Variants in IGSF21 observed in about 807,000 individuals in gnomAD.
IGSF21 encodes immunoglobulin superfamily member 21.
IGSF21 carries 28 observed loss-of-function variants against 46.8 expected under a neutral mutation model. The observed-to-expected ratio is 0.60, with a 90% CI of 0.44 to 0.82. The LOEUF is 0.82. Among genes scored for constraint, IGSF21 ranks in the 40% least tolerant of loss-of-function variants. IGSF21 has a pLI of 0.00. For missense variants in IGSF21, 624 were observed against 665.5 expected, an observed-to-expected ratio of 0.94 and a Z score of 0.69; for synonymous variants, 284 against 273.6, an observed-to-expected ratio of 1.04 and a Z score of -0.38.
At chr1:18,349,996 C>T (rs138218435) in intron 4 of IGSF21, among the ~76,000 whole-genome samples, 7 of 152,196 alleles carry the variant, frequency 4.6e-5, no homozygotes, top group East Asian at 1.9e-4. Context: ...GGTAGGTGTC[C>T]GAAGCACGAT....
intron 1 of IGSF21, among the ~76,000 whole-genome samples, chr1:18,171,066 G>A (rs2086731897): frequency 2.0e-5 from 3 of 151,712 alleles, no homozygotes; most frequent in African/African-American, 7.3e-5. Flanking sequence ...AGTGAGACTA[G>A]GTGTGTGGAA....
At chr1:18,319,074 A>G (rs1247673415) in intron 3 of IGSF21, among the ~76,000 whole-genome samples, 1 of 152,180 alleles carries the variant, frequency 6.6e-6, no homozygotes, top group Non-Finnish European at 1.5e-5. Context: ...TAAACTAGAT[A>G]AGAGTTTATT....
At chr1:18,204,079 C>G (rs562967759) in intron 1 of IGSF21, among the ~76,000 whole-genome samples, 1 of 152,216 alleles carries the variant, frequency 6.6e-6, no homozygotes, top group South Asian at 2.1e-4. Flanking sequence ...CAGAATGTGC[C>G]TGGCAGCGCT....
At chr1:18,113,908 T>C (rs1165273183) in intron 1 of IGSF21, 3 of 152,188 alleles carry the variant, frequency 2.0e-5, no homozygotes, top group African/African-American at 7.2e-5. Flanking sequence ...TTAACCATGG[T>C]AACGATGAGT....
chr1:18,323,970 T>C (rs1317967537), intron 3 of IGSF21, among the ~76,000 whole-genome samples: 1 of 152,094 alleles, frequency 6.6e-6, no homozygotes, highest in African/African-American at 2.4e-5. Context: ...GTGGGGCTTT[T>C]CCGGAGGCTC....
chr1:18,196,242 TC>T (rs1181681851), intron 1 of IGSF21, among the ~76,000 whole-genome samples: 2 of 152,008 alleles, frequency 1.3e-5, no homozygotes, highest in Non-Finnish European at 2.9e-5. Context: ...CACCTTATAA[TC>T]CCCGAGAAAG....
At chr1:18,213,267 A>G (rs962458691) in intron 1 of IGSF21, among the ~76,000 whole-genome samples, 11 of 152,128 alleles carry the variant, frequency 7.2e-5, no homozygotes, top group African/African-American at 2.7e-4. Context: ...TTCCCACTGT[A>G]TGCAATGCAT....
At chr1:18,277,092 T>TTGAATAGATCGCCTGGCCTCCC (rs2085109223) in intron 2 of IGSF21, among the ~76,000 whole-genome samples, 1 of 152,218 alleles carries the variant, frequency 6.6e-6, no homozygotes, top group East Asian at 1.9e-4. Context: ...CCTGGTGGCC[T>TTGAATAGATCGCCTGGCCTCCC]TGAATAGATC....
intron 3 of IGSF21, among the ~76,000 whole-genome samples, chr1:18,331,601 C>A (rs1280386747): frequency 6.6e-6 from 1 of 152,156 alleles, no homozygotes; most frequent in Non-Finnish European, 1.5e-5. Context: ...CATATAATGT[C>A]TTTGTCATAA....
chr1:18,265,642 T>C (rs1185363313), intron 2 of IGSF21, among the ~76,000 whole-genome samples: 1 of 152,202 alleles, frequency 6.6e-6, no homozygotes, highest in African/African-American at 2.4e-5. Flanking sequence ...CCAACTCCTG[T>C]GCCCATCAGG....
In IGSF21 at chr1:18,301,541, A is replaced by C. The variant is rs948930815; in HGVS notation, c.305+9554A>C. On this transcript the variant is annotated intron_variant, in intron 3 of 9. Coordinates refer to ENST00000251296, the MANE Select transcript of IGSF21 (RefSeq NM_032880.5). ...TTTTTAGCAGAGACAGGGTTTCACC[A>C]TGTTGGTCAAGCTGATCTCGAACTC... is the stretch of plus-strand genomic sequence containing the variant. Among the ~76,000 whole-genome samples, 4 of 152,210 alleles carry C rather than the reference A, an allele frequency of 2.6e-5. No homozygotes were observed. The South Asian group carries it at 6.2e-4, about 24-fold the overall frequency.
At chr1:18,124,634 T>C (rs10907329) in intron 1 of IGSF21, among the ~76,000 whole-genome samples, 99,714 of 152,006 alleles carry the variant, frequency 0.66, 33,122 homozygotes, top group African/African-American at 0.68. Context: ...GTGGCTGGGC[T>C]GCTGTGGAAG....
chr1:18,321,615 C>G (rs549743579), intron 3 of IGSF21, among the ~76,000 whole-genome samples: 60 of 152,336 alleles, frequency 3.9e-4, no homozygotes, highest in Middle Eastern at 3.4e-3. Flanking sequence ...CCCTCTCACC[C>G]CATGAGCCAG....
At chr1:18,232,856 C>T (rs12036889) in intron 2 of IGSF21, among the ~76,000 whole-genome samples, 31,915 of 152,178 alleles carry the variant, frequency 0.21, 3,875 homozygotes, top group East Asian at 0.27. Flanking sequence ...ATGTGGGCAT[C>T]TGTGTAATGT....
chr1:18,227,448 C>T (rs1285650020), intron 1 of IGSF21, among the ~76,000 whole-genome samples: 2 of 151,856 alleles, frequency 1.3e-5, no homozygotes, highest in Non-Finnish European at 2.9e-5. Context: ...AAATACATTT[C>T]GGCATTCATT....
chr1:18,112,399 G>T (rs79909514), intron 1 of IGSF21: 2,557 of 152,124 alleles, frequency 0.017, 29 homozygotes, highest in East Asian at 0.055. Flanking sequence ...GGAGGAAGGG[G>T]CTATTATCTC....
intron 1 of IGSF21, among the ~76,000 whole-genome samples, chr1:18,160,874 A>G (rs902791114): frequency 6.6e-6 from 1 of 152,152 alleles, no homozygotes; most frequent in African/African-American, 2.4e-5. Context: ...GGTTAGGACC[A>G]CAGAGGGTAT....
chr1:18,348,561 C>T (rs966805881), intron 4 of IGSF21, among the ~76,000 whole-genome samples: 10 of 152,208 alleles, frequency 6.6e-5, no homozygotes, highest in Non-Finnish European at 1.0e-4. Context: ...CCTTTAATTA[C>T]TAGTGATATG....
rs1285781444 is a variant in IGSF21 at position 18,290,788 on chromosome 1, C to T, written c.184-1078C>T. Among the ~76,000 whole-genome samples the T allele has an allele frequency of 2.6e-5, 4 of 152,104 alleles. No individual in the cohort carries two copies. The highest frequency in any genetic ancestry group is 9.7e-5 in the African/African-American group (4 of 41,422). Reference sequence around the variant, plus strand: ...CTGGGGAAGCTGCTTTCAGCATCCCCCCTACCCCAGCCCCTTGGAGTCACC... The same window carrying T: ...CTGGGGAAGCTGCTTTCAGCATCCCTCCTACCCCAGCCCCTTGGAGTCACC... On this transcript the variant is annotated intron_variant, in intron 2 of 9. Transcript: ENST00000251296. This position sits in a 1 kb window ranked among gnomAD's most constrained non-coding sequence, Gnocchi z 4.2.
Sources: gnomAD v4.1 joint callset for allele counts (sites outside exome capture counted in the v4.1 genomes callset) on GRCh38, gnomAD v4.1.1 for gene constraint, Gnocchi (gnomAD v3.1) non-coding constraint, MANE v1.5 for transcripts, NCBI Gene and HGNC (gene_info 2026-07-23, HGNC 2026-07-21) for gene names.